The following MAGI2 variants were observed in gnomAD, a reference collection of about 807,000 sequenced individuals.
The protein encoded by MAGI2 is membrane associated guanylate kinase, WW and PDZ domain containing 2.
In MAGI2, 35 loss-of-function variants were observed where a neutral mutation model predicts 133.3. The ratio of observed to expected loss-of-function variants is 0.26; its 90% CI spans 0.20 to 0.35. MAGI2 has a LOEUF of 0.35. Among genes scored for constraint, MAGI2 ranks in the 10% least tolerant of loss-of-function variants. The probability of loss-of-function intolerance (pLI) is 1.00; values close to 1 mark genes in which losing one functional copy is unlikely to be tolerated. For synonymous variants in MAGI2, 729 were observed against 710.6 expected (o/e 1.03, Z -0.41); for missense variants, 1,636 against 1,863.4 (o/e 0.88, Z 2.25).
chr7:79,090,463 G>T (rs1446463768), intron 1 of MAGI2, among the ~76,000 whole-genome samples: 1 of 152,074 alleles, frequency 6.6e-6, no homozygotes, highest in Non-Finnish European at 1.5e-5. Context: ...AGTTTATAAT[G>T]TAATAATTTC....
At chr7:78,690,393 T>C (rs1166787651) in intron 2 of MAGI2, among the ~76,000 whole-genome samples, 1 of 152,156 alleles carries the variant, frequency 6.6e-6, no homozygotes, top group African/African-American at 2.4e-5. Context: ...TTCCCATTCC[T>C]CTCTGACCGC....
At chr7:78,098,921 A>G (rs1817953793) in intron 20 of MAGI2, among the ~76,000 whole-genome samples, 1 of 152,102 alleles carries the variant, frequency 6.6e-6, no homozygotes, top group African/African-American at 2.4e-5. Context: ...GTACTTTGCC[A>G]ATTTTTTTCC....
chr7:78,540,928 G>C (rs1486114902), intron 3 of MAGI2, among the ~76,000 whole-genome samples: 1 of 152,146 alleles, frequency 6.6e-6, no homozygotes, highest in African/African-American at 2.4e-5. Context: ...TCACACTTTG[G>C]GCACTCACAG....
intron 2 of MAGI2, among the ~76,000 whole-genome samples, chr7:78,684,145 A>C (rs999476386): frequency 2.0e-5 from 3 of 152,310 alleles, no homozygotes; most frequent in African/African-American, 7.2e-5. Flanking sequence ...AAAATACTAA[A>C]CATTGTCCAG....
intron 2 of MAGI2, among the ~76,000 whole-genome samples, chr7:78,832,102 T>C (rs1274014788): frequency 6.6e-6 from 1 of 151,916 alleles, no homozygotes; most frequent in East Asian, 1.9e-4. Flanking sequence ...TTAAATAAAA[T>C]ATATCTGAAT....
At chr7:78,891,386 G>C (rs534180015) in intron 2 of MAGI2, among the ~76,000 whole-genome samples, 1 of 152,232 alleles carries the variant, frequency 6.6e-6, no homozygotes, top group East Asian at 1.9e-4. Flanking sequence ...TTTGAGGCCA[G>C]CATCATCCTG....
chr7:79,180,771 C>T (rs1330497389), intron 1 of MAGI2, among the ~76,000 whole-genome samples: 1 of 151,996 alleles, frequency 6.6e-6, no homozygotes, highest in Non-Finnish European at 1.5e-5. Context: ...AAGTCCTGTT[C>T]ACCTATAAGC....
In MAGI2 at chr7:79,453,639, G is replaced by A. The variant is rs1340409549; in HGVS notation, c.-319C>T. The A allele has an allele frequency of 9.1e-6, 7 of 765,454 alleles. No homozygotes were observed. In the African/African-American group the frequency reaches 9.4e-5, roughly 10 times the overall value. 47.4% of individuals were successfully genotyped at this position (765,454 alleles called of 1,614,324 possible). A position where few individuals can be genotyped will look rare whatever the true frequency, so the allele number is the denominator to read the frequency against. On this transcript the variant is annotated 5_prime_UTR_variant, in exon 1 of 22. Transcript: ENST00000354212. ...CGGCGGCGGCGGCGGCAGCCGGAGC[G>A]AGCAGTAGCCGAGCTGGTGAGCGGG...
intron 2 of MAGI2, among the ~76,000 whole-genome samples, chr7:78,898,793 CT>C (rs1379193548): frequency 6.6e-6 from 1 of 152,136 alleles, no homozygotes; most frequent in Non-Finnish European, 1.5e-5. Flanking sequence ...ACATGTACCC[CT>C]GAACTTAAAA....
chr7:78,406,468 C>G (rs948445969), intron 6 of MAGI2, among the ~76,000 whole-genome samples: 17 of 151,922 alleles, frequency 1.1e-4, no homozygotes, highest in Non-Finnish European at 8.8e-5. Context: ...CAAAACATAG[C>G]ACAGTAAAAC....
intron 2 of MAGI2, among the ~76,000 whole-genome samples, chr7:78,662,408 C>T (rs1313413590): frequency 2.0e-5 from 3 of 152,066 alleles, no homozygotes; most frequent in Admixed American, 6.5e-5. Flanking sequence ...TACCAACAAT[C>T]GAAACACTAG....
chr7:78,402,306 G>GGT (rs756360570), intron 6 of MAGI2, among the ~76,000 whole-genome samples: 2 of 144,302 alleles, frequency 1.4e-5, no homozygotes, highest in South Asian at 2.2e-4. Flanking sequence ...GTCCACCTGG[G>GGT]GTGTGTGTGT....
intron 6 of MAGI2, among the ~76,000 whole-genome samples, chr7:78,398,313 A>C (rs11971039): frequency 0.015 from 2,335 of 152,216 alleles, 59 homozygotes; most frequent in African/African-American, 0.053. Flanking sequence ...GATCTGGAGG[A>C]TGCTTGTTGA....
chr7:78,633,662 C>T (rs1280304765), intron 2 of MAGI2, among the ~76,000 whole-genome samples: 7 of 145,704 alleles, frequency 4.8e-5, no homozygotes, highest in Non-Finnish European at 8.9e-5. Flanking sequence ...GCAGAGATCG[C>T]GCCACTGCAC....
chr7:78,140,090 C>G (rs1166707589), intron 16 of MAGI2, among the ~76,000 whole-genome samples: 2 of 152,124 alleles, frequency 1.3e-5, no homozygotes, highest in Admixed American at 6.6e-5. Flanking sequence ...CTTCTGGGAC[C>G]TTGTATAGTC....
At chr7:78,419,803 A>G (rs1378569447) in intron 6 of MAGI2, among the ~76,000 whole-genome samples, 5 of 152,054 alleles carry the variant, frequency 3.3e-5, no homozygotes, top group Non-Finnish European at 5.9e-5. Flanking sequence ...CAAGTAGAGG[A>G]CATGGATAAT....
chr7:78,868,324 C>T (rs1794750354), intron 2 of MAGI2, among the ~76,000 whole-genome samples: 3 of 152,154 alleles, frequency 2.0e-5, no homozygotes, highest in Admixed American at 1.3e-4. Flanking sequence ...TGTTACACTA[C>T]TATATGTACT....
At chr7:79,158,974 C>T (rs1701188720) in intron 1 of MAGI2, among the ~76,000 whole-genome samples, 1 of 151,390 alleles carries the variant, frequency 6.6e-6, no homozygotes, top group Non-Finnish European at 1.5e-5. Flanking sequence ...TACCTTTTAC[C>T]TTGTTTATAC....
intron 1 of MAGI2, among the ~76,000 whole-genome samples, chr7:79,450,207 G>A (rs1737113391): frequency 6.6e-6 from 1 of 152,004 alleles, no homozygotes; most frequent in African/African-American, 2.4e-5. Flanking sequence ...CCATGTTTAA[G>A]TTTTTCAGCT....
Sources: gnomAD v4.1 joint callset for allele counts (sites outside exome capture counted in the v4.1 genomes callset) on GRCh38, gnomAD v4.1.1 for gene constraint, MANE v1.5 for transcripts, NCBI Gene and HGNC (gene_info 2026-07-23, HGNC 2026-07-21) for gene names.